The following SLC2A9 variants were observed in gnomAD, a reference collection of about 807,000 sequenced individuals.
SLC2A9 encodes the protein solute carrier family 2, facilitated glucose transporter member 9.
In SLC2A9, 39 loss-of-function variants were observed where a neutral mutation model predicts 50.6. The observed-to-expected ratio is 0.77, with a 90% CI of 0.60 to 1.01. SLC2A9 has a LOEUF of 1.01. SLC2A9 is among the 50% of genes least tolerant of loss of function. The pLI, the probability that SLC2A9 is intolerant of heterozygous loss-of-function variation, is 0.00. For synonymous variants in SLC2A9, 324 were observed against 276.9 expected (o/e 1.17, Z -1.69); for missense variants, 686 against 677.6 (o/e 1.01, Z -0.14).
chr4:9,874,323 C>G (rs1383260496), intron 10 of SLC2A9, among the ~76,000 whole-genome samples: 1 of 152,122 alleles, frequency 6.6e-6, no homozygotes, highest in Non-Finnish European at 1.5e-5. Flanking sequence ...ATGATCACAC[C>G]CTGTGGCCAG....
chr4:9,821,824 G>A (rs1003221204), downstream of SLC2A9, among the ~76,000 whole-genome samples: 5 of 152,126 alleles, frequency 3.3e-5, no homozygotes, highest in African/African-American at 1.2e-4. Flanking sequence ...TTTTCCCTCA[G>A]TATTTGGTAG....
intron 2 of SLC2A9, chr4:10,006,825 T>A (rs1405248252): frequency 6.6e-6 from 1 of 151,982 alleles, no homozygotes; most frequent in African/African-American, 2.4e-5. Flanking sequence ...GTGGTTTATA[T>A]CTGCTTTCTT....
At chr4:9,790,486 T>A (rs912116767) in intron 3 of SLC2A9, among the ~76,000 whole-genome samples, 3 of 152,140 alleles carry the variant, frequency 2.0e-5, no homozygotes, top group African/African-American at 7.2e-5. Flanking sequence ...ATATGTCAAC[T>A]TGGCTTCATG....
At chr4:9,803,477 G>A (rs114623250) in intron 3 of SLC2A9, among the ~76,000 whole-genome samples, 3 of 152,172 alleles carry the variant, frequency 2.0e-5, no homozygotes, top group Non-Finnish European at 2.9e-5. Context: ...GAGGCTCAAA[G>A]AACTTATGTC....
chr4:9,873,843 C>T (rs184245819), intron 10 of SLC2A9, among the ~76,000 whole-genome samples: 88 of 152,350 alleles, frequency 5.8e-4, no homozygotes, highest in African/African-American at 2.0e-3. Context: ...ACAGTCATAG[C>T]TAACCGATAC....
chr4:9,857,986 A>T (rs1730994483), intron 10 of SLC2A9, among the ~76,000 whole-genome samples: 1 of 152,252 alleles, frequency 6.6e-6, no homozygotes, highest in African/African-American at 2.4e-5. Context: ...CAGCTTTAAA[A>T]ATAGGATGTC....
intron 6 of SLC2A9, among the ~76,000 whole-genome samples, chr4:9,936,075 C>T (rs1316303327): frequency 6.6e-6 from 1 of 152,100 alleles, no homozygotes; most frequent in Non-Finnish European, 1.5e-5. Flanking sequence ...GAAATTGGAG[C>T]CCTTCTGCCA....
chr4:9,931,986 A>C (rs1560329864), intron 6 of SLC2A9, among the ~76,000 whole-genome samples: 6 of 55,396 alleles, frequency 1.1e-4, no homozygotes, highest in Non-Finnish European at 1.7e-4. Context: ...ATATATATAT[A>C]TATATATATA....
intron 5 of SLC2A9, among the ~76,000 whole-genome samples, chr4:9,977,159 T>A (rs1043119199): frequency 6.6e-6 from 1 of 152,126 alleles, no homozygotes; most frequent in Non-Finnish European, 1.5e-5. Context: ...GAAGCACTCA[T>A]CATGTCCTCA....
chr4:10,036,871 T>C (rs1764123361), intron 1 of SLC2A9, among the ~76,000 whole-genome samples: 1 of 152,250 alleles, frequency 6.6e-6, no homozygotes, highest in Non-Finnish European at 1.5e-5. Context: ...AGGATTCTAG[T>C]CCGGGATTTC....
intron 2 of SLC2A9, 124 bp downstream of exon 2, chr4:10,018,851 C>T (rs553849243): frequency 7.8e-6 from 7 of 900,570 alleles, no homozygotes; most frequent in Middle Eastern, 3.3e-4. Flanking sequence ...GGGCTAATCT[C>T]TGTCCCCGCG....
At chr4:10,020,329 A>G (rs1763356962) in intron 1 of SLC2A9, among the ~76,000 whole-genome samples, 1 of 152,170 alleles carries the variant, frequency 6.6e-6, no homozygotes, top group Non-Finnish European at 1.5e-5. Flanking sequence ...GAGTCTGAGC[A>G]AGTGACTTGA....
At chr4:9,996,430 T>C (rs922791772) in intron 3 of SLC2A9, among the ~76,000 whole-genome samples, 1 of 152,206 alleles carries the variant, frequency 6.6e-6, no homozygotes, top group East Asian at 1.9e-4. Context: ...ACTTCCTGGT[T>C]TACTGGCTTT....
intron 11 of SLC2A9, among the ~76,000 whole-genome samples, chr4:9,830,128 G>A (rs1046599302): frequency 2.0e-5 from 3 of 152,194 alleles, no homozygotes; most frequent in South Asian, 2.1e-4. Context: ...GTGCATCAAC[G>A]ATAGACTGGA....
downstream of SLC2A9, among the ~76,000 whole-genome samples, chr4:9,794,759 TGAG>T (rs1332903868): frequency 6.6e-6 from 1 of 152,212 alleles, no homozygotes; most frequent in Non-Finnish European, 1.5e-5. Flanking sequence ...TCTCTGCTTC[TGAG>T]GATCCCTCAG....
At chr4:9,772,621 G>T (rs565353786) in intron 1 of SLC2A9, among the ~76,000 whole-genome samples, 2 of 152,280 alleles carry the variant, frequency 1.3e-5, no homozygotes, top group South Asian at 4.1e-4. Context: ...TCTGAGGCAA[G>T]GCTTCCCAGC....
At chr4:10,021,892 T>G (rs188226263), upstream of SLC2A9, among the ~76,000 whole-genome samples, 3 of 150,196 alleles carry the variant, frequency 2.0e-5, no homozygotes, top group Non-Finnish European at 2.9e-5. Flanking sequence ...CGGGCTGGAG[T>G]GCACTGATGC....
intron 3 of SLC2A9, among the ~76,000 whole-genome samples, chr4:9,816,140 A>G (rs1723558058): frequency 6.6e-6 from 1 of 152,060 alleles, no homozygotes; most frequent in African/African-American, 2.4e-5. Context: ...ACTGCACTCC[A>G]GCCTGGGTAA....
chr4:9,928,005 T>C (rs1044393315), intron 6 of SLC2A9, among the ~76,000 whole-genome samples: 32 of 152,190 alleles, frequency 2.1e-4, no homozygotes, highest in African/African-American at 6.3e-4. Flanking sequence ...TAGTAGTACA[T>C]GCCTGTATGT....
Sources: gnomAD v4.1 joint callset for allele counts (sites outside exome capture counted in the v4.1 genomes callset) on GRCh38, gnomAD v4.1.1 for gene constraint, MANE v1.5 for transcripts, NCBI Gene and HGNC (gene_info 2026-07-23, HGNC 2026-07-21) for gene names.